ZFHX3: variants seen among roughly 807,000 people sequenced by gnomAD.
ZFHX3 encodes the protein zinc finger homeobox 3.
In ZFHX3, 42 loss-of-function variants were observed where a neutral mutation model predicts 279.1. The ratio of observed to expected loss-of-function variants is 0.15; its 90% CI spans 0.12 to 0.19. The LOEUF (loss-of-function observed/expected upper bound fraction) is 0.19, where lower values mean the gene tolerates loss of function less well. ZFHX3 is among the 10% of genes least tolerant of loss of function. The pLI, the probability that ZFHX3 is intolerant of heterozygous loss-of-function variation, is 1.00. For missense variants in ZFHX3, 4,981 were observed against 4,754.0 expected (o/e 1.05, Z -1.40); for synonymous variants, 2,293 against 1,957.8 (o/e 1.17, Z -4.52).
intron 3 of ZFHX3, among the ~76,000 whole-genome samples, chr16:73,404,451 T>A (rs909950374): frequency 5.3e-5 from 8 of 152,228 alleles, no homozygotes; most frequent in Non-Finnish European, 1.2e-4. Flanking sequence ...AGGATGCATC[T>A]TGGCTCCAAG....
chr16:73,127,520 C>A (rs941784203), intron 7 of ZFHX3: 1 of 1,305,454 alleles, frequency 7.7e-7, no homozygotes, highest in African/African-American at 1.5e-5. Context: ...AAGAAGAGAG[C>A]CCCTGAATGC....
intron 3 of ZFHX3, among the ~76,000 whole-genome samples, chr16:72,927,853 G>A (rs375521470): frequency 1.1e-3 from 164 of 151,870 alleles, no homozygotes; most frequent in South Asian, 2.5e-3. Context: ...AAATCAAAGG[G>A]GATACCACAT....
intron 1 of ZFHX3, among the ~76,000 whole-genome samples, chr16:73,736,171 G>A (rs1398183446): frequency 6.6e-6 from 1 of 152,130 alleles, no homozygotes; most frequent in Non-Finnish European, 1.5e-5. Context: ...ATTCTAGTTT[G>A]TGCCCACAGA....
In ZFHX3 at chr16:73,301,758, CT is replaced by C. The variant is rs559715399; in HGVS notation, c.-1194+16481del. ...ATTTGGAAAAGAAACTTGATTCCAG[CT>C]TTTTTTTTTTTTTTGTGACAAGCAC... On this transcript the variant is annotated intron_variant, in intron 4 of 17. Transcript: ENST00000641206. 4.9e-3 allele frequency among the ~76,000 whole-genome samples: 691 copies of C among 139,830 alleles called. 1 individual carries two copies. The highest frequency in any genetic ancestry group is 7.1e-3 in the Middle Eastern group (2 of 280). The allele number at this position is 139,830 out of a possible 152,430, so 91.7% of individuals were successfully genotyped here.
At chr16:73,843,724 C>G (rs1961373230) in intron 1 of ZFHX3, among the ~76,000 whole-genome samples, 1 of 152,120 alleles carries the variant, frequency 6.6e-6, no homozygotes, top group African/African-American at 2.4e-5. Flanking sequence ...AATGAGATTC[C>G]AAGTCAGCAG....
intron 4 of ZFHX3, among the ~76,000 whole-genome samples, chr16:72,830,480 G>C (rs1208198125): frequency 2.0e-5 from 3 of 152,250 alleles, no homozygotes; most frequent in Non-Finnish European, 4.4e-5. Context: ...AGGCAGTGGT[G>C]GGAAGTGAGA....
At chr16:73,004,270 G>C (rs1009303798) in intron 1 of ZFHX3, among the ~76,000 whole-genome samples, 1 of 128,600 alleles carries the variant, frequency 7.8e-6, no homozygotes, top group East Asian at 2.4e-4. Context: ...CTCCCAAAGT[G>C]CTAGGATTAC....
chr16:73,227,941 TA>T (rs1183604003), intron 5 of ZFHX3, among the ~76,000 whole-genome samples: 1 of 151,242 alleles, frequency 6.6e-6, no homozygotes. Context: ...TCATTATGTA[TA>T]GACTCTATAC....
At chr16:73,324,569 G>T (rs575172508) in intron 3 of ZFHX3, among the ~76,000 whole-genome samples, 1 of 152,352 alleles carries the variant, frequency 6.6e-6, no homozygotes, top group East Asian at 1.9e-4. Context: ...AACAAGAAGA[G>T]AATGCAATGA....
chr16:73,799,396 TTAGGATGAGGCTACAGAGCATCCAG>T (rs1960082145), intron 1 of ZFHX3, among the ~76,000 whole-genome samples: 1 of 152,152 alleles, frequency 6.6e-6, no homozygotes, highest in African/African-American at 2.4e-5. Context: ...CATCAGGCAT[TTAGGATGAGGCTACAGAGCATCCAG>T]ACAGCAGAGT....
At chr16:73,748,594 T>C (rs868774423) in intron 1 of ZFHX3, among the ~76,000 whole-genome samples, 1 of 152,182 alleles carries the variant, frequency 6.6e-6, no homozygotes. Flanking sequence ...CCAACGTCTC[T>C]ACCTATACCT....
Position 72,842,738 on chromosome 16 carries a change from AC to A in ZFHX3, c.3449-12880del, listed in dbSNP as rs111404612. On this transcript the variant is annotated intron_variant, in intron 4 of 9. Transcript: ENST00000268489. ...AAATATATATTATGGTAGGAAAAAA[AC>A]CGGATCAATTTCTGTTAAGAAGAGC... is the stretch of plus-strand genomic sequence containing the variant. 1.7e-3 allele frequency among the ~76,000 whole-genome samples: 266 copies of A among 152,300 alleles called. 2 individuals are homozygous for A. The highest frequency in any genetic ancestry group is 6.8e-3 in the Middle Eastern group (2 of 294).
chr16:73,775,560 G>A (rs528066844), intron 1 of ZFHX3, among the ~76,000 whole-genome samples: 3 of 152,228 alleles, frequency 2.0e-5, no homozygotes, highest in African/African-American at 2.4e-5. Flanking sequence ...GCCGTGTGCT[G>A]AGCCCCAGTT....
chr16:73,301,779 A>G (rs1952680293), intron 4 of ZFHX3, among the ~76,000 whole-genome samples: 1 of 135,834 alleles, frequency 7.4e-6, no homozygotes, highest in African/African-American at 3.2e-5. Flanking sequence ...TTTTTGTGAC[A>G]AGCACTCATT....
intron 1 of ZFHX3, among the ~76,000 whole-genome samples, chr16:73,032,446 T>C (rs1882613231): frequency 6.6e-6 from 1 of 151,922 alleles, no homozygotes; most frequent in Non-Finnish European, 1.5e-5. Flanking sequence ...AAACCAGAGG[T>C]ATACTCGACC....
At chr16:73,433,986 T>C (rs1474166450) in intron 3 of ZFHX3, among the ~76,000 whole-genome samples, 2 of 152,186 alleles carry the variant, frequency 1.3e-5, no homozygotes, top group African/African-American at 4.8e-5. Flanking sequence ...TGCGTGTCCC[T>C]TCTGGGAGGG....
At chr16:73,286,000 G>C (rs1053430460) in intron 4 of ZFHX3, among the ~76,000 whole-genome samples, 1 of 152,114 alleles carries the variant, frequency 6.6e-6, no homozygotes, top group South Asian at 2.1e-4. Context: ...TATACATTTT[G>C]GAATTCATAA....
At chr16:73,346,816 CAA>C (rs2016132870) in intron 3 of ZFHX3, among the ~76,000 whole-genome samples, 2 of 152,168 alleles carry the variant, frequency 1.3e-5, no homozygotes, top group African/African-American at 4.8e-5. Context: ...CAGACCTAGC[CAA>C]AGAGACCTGT....
chr16:72,946,134 T>TACATTGTG (rs1191695936), intron 3 of ZFHX3, among the ~76,000 whole-genome samples: 12 of 152,236 alleles, frequency 7.9e-5, no homozygotes, highest in African/African-American at 2.9e-4. Context: ...CTTACATTCT[T>TACATTGTG]CCGTACTGCA....
Sources: allele counts gnomAD v4.1 joint callset (sites outside exome capture counted in the v4.1 genomes callset), GRCh38; gene constraint gnomAD v4.1.1; transcripts MANE v1.5; gene names NCBI Gene and HGNC (gene_info 2026-07-23, HGNC 2026-07-21).